SLC26A7: variants seen among roughly 807,000 people sequenced by gnomAD.
The protein encoded by SLC26A7 is solute carrier family 26 member 7.
SLC26A7 carries 59 observed loss-of-function variants against 82.5 expected under a neutral mutation model. That is an observed-to-expected ratio of 0.72 (90% CI 0.58 to 0.89). The LOEUF is 0.89. SLC26A7 is among the 40% of genes least tolerant of loss of function. SLC26A7 has a pLI of 0.00. For missense variants in SLC26A7, 820 were observed against 793.0 expected, an observed-to-expected ratio of 1.03 and a Z score of -0.41; for synonymous variants, 271 against 274.3, an observed-to-expected ratio of 0.99 and a Z score of 0.12.
chr8:91,295,501 T>C, intron 3 of SLC26A7, 30 bp from the exon 4 acceptor site: 3 of 1,590,946 alleles, frequency 1.9e-6, no homozygotes, highest in South Asian at 1.1e-5. Context: ...AAATTACTAA[T>C]AGAAGATTCC....
intron 15 of SLC26A7, 103 bp from the exon 16 acceptor site, chr8:91,389,235 G>A (rs1024771296): frequency 1.6e-5 from 12 of 733,474 alleles, no homozygotes; most frequent in Admixed American, 1.1e-4. Flanking sequence ...TAGAATTACT[G>A]TTGTTAAACA....
intron 9 of SLC26A7, among the ~76,000 whole-genome samples, chr8:91,349,170 T>G (rs1813647331): frequency 6.6e-6 from 1 of 152,222 alleles, no homozygotes. Context: ...TCTTGTCTGA[T>G]TAGATGAACT....
At chr8:91,315,002 G>A (rs985984057) in intron 4 of SLC26A7, among the ~76,000 whole-genome samples, 14 of 152,108 alleles carry the variant, frequency 9.2e-5, no homozygotes, top group African/African-American at 3.4e-4. Context: ...AGCTTGAAGT[G>A]GTATGGTAGG....
At chr8:91,341,654 A>T (rs1813417580) in intron 8 of SLC26A7, among the ~76,000 whole-genome samples, 1 of 152,178 alleles carries the variant, frequency 6.6e-6, no homozygotes, top group African/African-American at 2.4e-5. Context: ...AATGCAGACC[A>T]TGTCTTTCTT....
intron 2 of SLC26A7, among the ~76,000 whole-genome samples, chr8:91,285,705 A>G (rs553477542): frequency 2.0e-5 from 3 of 152,360 alleles, no homozygotes; most frequent in African/African-American, 7.2e-5. Flanking sequence ...TTGAAGCTCC[A>G]TAACCAATGG....
chr8:91,350,603 A>G (rs1456396811), intron 9 of SLC26A7, among the ~76,000 whole-genome samples: 2 of 152,032 alleles, frequency 1.3e-5, no homozygotes, highest in Non-Finnish European at 2.9e-5. Flanking sequence ...ATGAAATCTT[A>G]TAGTATGTAG....
At position 91,394,302 on chromosome 8, in the gene SLC26A7, A is replaced by G. The variant is rs370063501; in HGVS notation, c.1935+263A>G. ...ATTGGGTGGTTGCCTATCATTTGCA[A>G]ACTGCTTACTTGTACAACAAATGCT... On this transcript the variant is annotated intron_variant, in intron 18 of 18. Coordinates refer to ENST00000276609, the MANE Select transcript of SLC26A7 (RefSeq NM_052832.4). 3.1e-6 allele frequency: 5 copies of G among 1,612,224 alleles called. No homozygotes were observed. In the African/African-American group the frequency reaches 4.0e-5, roughly 13 times the overall value.
chr8:91,225,463 T>C (rs1296931665), intron 2 of SLC26A7, among the ~76,000 whole-genome samples: 1 of 151,944 alleles, frequency 6.6e-6, no homozygotes, highest in Non-Finnish European at 1.5e-5. Flanking sequence ...AGCACACTGC[T>C]CTTCCTTCTC....
chr8:91,308,247 G>A (rs112948107), intron 4 of SLC26A7, among the ~76,000 whole-genome samples: 7 of 72,616 alleles, frequency 9.6e-5, no homozygotes, highest in African/African-American at 4.2e-4. Context: ...GGAGGAAGAG[G>A]TGTGTGTGTG....
At chr8:91,279,736 T>C (rs11990790) in intron 2 of SLC26A7, among the ~76,000 whole-genome samples, 3,702 of 152,122 alleles carry the variant, frequency 0.024, 157 homozygotes, top group African/African-American at 0.08. Flanking sequence ...ATTTTTTGTA[T>C]TTTTAGTAGA....
intron 11 of SLC26A7, among the ~76,000 whole-genome samples, chr8:91,359,876 A>ATGTGTGTGTGTGTG (rs33943189): frequency 2.2e-5 from 3 of 139,286 alleles, no homozygotes; most frequent in African/African-American, 8.0e-5. Context: ...TATCCAAGAT[A>ATGTGTGTGTGTGTG]TGTGTGTGTG....
chr8:91,246,554 T>C (rs1468296455), upstream of SLC26A7, among the ~76,000 whole-genome samples: 1 of 152,034 alleles, frequency 6.6e-6, no homozygotes, highest in African/African-American at 2.4e-5. Flanking sequence ...GGGCCATTAA[T>C]ATAGAAATAG....
intron 2 of SLC26A7, among the ~76,000 whole-genome samples, chr8:91,229,625 CTAGAGT>C (rs1373541669): frequency 6.6e-6 from 1 of 152,152 alleles, no homozygotes; most frequent in Admixed American, 6.5e-5. Flanking sequence ...ATATCACTAA[CTAGAGT>C]TAAATACTTA....
At chr8:91,318,166 T>A (rs1812692675) in intron 4 of SLC26A7, 50 bp from the exon 5 acceptor site, 1 of 1,526,382 alleles carries the variant, frequency 6.6e-7, no homozygotes, top group African/African-American at 1.4e-5. Context: ...CTCTGGGAAC[T>A]TTGGGGAGTT....
chr8:91,325,372 C>T (rs910128207), intron 5 of SLC26A7, among the ~76,000 whole-genome samples: 14 of 152,156 alleles, frequency 9.2e-5, no homozygotes, highest in African/African-American at 3.4e-4. Context: ...GTACCCCCTG[C>T]ACCACCCCCA....
chr8:91,359,747 C>T (rs767215251), intron 11 of SLC26A7, among the ~76,000 whole-genome samples: 5 of 152,072 alleles, frequency 3.3e-5, no homozygotes, highest in Non-Finnish European at 5.9e-5. Flanking sequence ...CTATTGGGCA[C>T]AGCATTCAAA....
At chr8:91,296,562 T>G (rs560129397) in intron 4 of SLC26A7, among the ~76,000 whole-genome samples, 1 of 152,296 alleles carries the variant, frequency 6.6e-6, no homozygotes, top group East Asian at 1.9e-4. Context: ...AGAAAACATG[T>G]GACCTAAAAG....
chr8:91,259,148 C>T (rs1208907838), intron 2 of SLC26A7, among the ~76,000 whole-genome samples: 1 of 152,152 alleles, frequency 6.6e-6, no homozygotes, highest in African/African-American at 2.4e-5. Context: ...GTTTAAATAC[C>T]AGAAGACTTA....
Position 91,279,125 on chromosome 8 carries a change from G to GTATATATATA in SLC26A7, c.194-9979_194-9970dup, listed in dbSNP as rs55869816. On this transcript the variant is annotated intron_variant, in intron 2 of 18. Transcript: ENST00000276609. ...TATTTCATAGTATGTGTGTGTGTGT[G>GTATATATATA]TATATATATATATATATATATATAT... Among the ~76,000 whole-genome samples, 316 of 111,190 alleles carry GTATATATATA rather than the reference G, an allele frequency of 2.8e-3. 6 individuals are homozygous for GTATATATATA. Among genetic ancestry groups the GTATATATATA allele is most frequent in the East Asian group, 7.3e-3 (22 of 3,026 alleles). The allele number at this position is 111,190 out of a possible 152,430, so 72.9% of individuals were successfully genotyped here. A position where few individuals can be genotyped will look rare whatever the true frequency, so the allele number is the denominator to read the frequency against.
Sources: gnomAD v4.1 joint callset for allele counts (sites outside exome capture counted in the v4.1 genomes callset) on GRCh38, gnomAD v4.1.1 for gene constraint, MANE v1.5 for transcripts, NCBI Gene and HGNC (gene_info 2026-07-23, HGNC 2026-07-21) for gene names.